Variants in CSMD3 observed in about 807,000 individuals in gnomAD.
CSMD3 encodes the protein CUB and sushi domain-containing protein 3.
In CSMD3, 177 loss-of-function variants were observed where a neutral mutation model predicts 435.2. The ratio of observed to expected loss-of-function variants is 0.41; its 90% CI spans 0.36 to 0.46. The LOEUF (loss-of-function observed/expected upper bound fraction) is 0.46, where lower values mean the gene tolerates loss of function less well. Ranked by LOEUF, CSMD3 falls within the 20% of genes least tolerant of loss-of-function variation. The pLI is 0.34. For missense variants in CSMD3, 4,265 were observed against 4,504.6 expected, an observed-to-expected ratio of 0.95 and a Z score of 1.52; for synonymous variants, 1,656 against 1,520.5, an observed-to-expected ratio of 1.09 and a Z score of -2.07.
intron 2 of CSMD3, among the ~76,000 whole-genome samples, chr8:113,308,884 A>G (rs1347639129): frequency 1.3e-5 from 2 of 152,174 alleles, no homozygotes; most frequent in African/African-American, 4.8e-5. Flanking sequence ...ATAGTCTTTT[A>G]TCAACCAACA....
At chr8:112,277,615 C>T (rs1182861741) in intron 59 of CSMD3, among the ~76,000 whole-genome samples, 1 of 152,130 alleles carries the variant, frequency 6.6e-6, no homozygotes, top group African/African-American at 2.4e-5. Context: ...ACCCAACTGC[C>T]AGTACCAATT....
intron 3 of CSMD3, among the ~76,000 whole-genome samples, chr8:113,245,576 C>A (rs1033205455): frequency 2.6e-5 from 4 of 151,928 alleles, no homozygotes; most frequent in Non-Finnish European, 5.9e-5. Flanking sequence ...ATATAAATGA[C>A]CTCTTCATAC....
chr8:112,949,483 C>G (rs1171129954), intron 8 of CSMD3, among the ~76,000 whole-genome samples: 1 of 152,004 alleles, frequency 6.6e-6, no homozygotes, highest in African/African-American at 2.4e-5. Context: ...TCACAACTCT[C>G]TATATTTGAA....
At chr8:112,827,057 C>G (rs186891669) in intron 12 of CSMD3, among the ~76,000 whole-genome samples, 2 of 150,332 alleles carry the variant, frequency 1.3e-5, no homozygotes, top group Admixed American at 6.7e-5. Context: ...GTACAGACCA[C>G]TCCTCAATCC....
intron 17 of CSMD3, among the ~76,000 whole-genome samples, chr8:112,660,859 G>T (rs2075363238): frequency 6.6e-6 from 1 of 152,112 alleles, no homozygotes; most frequent in African/African-American, 2.4e-5. Context: ...ATTTTTTAAT[G>T]ATTGGTTTTA....
At chr8:112,600,751 C>T (rs1365381000) in intron 22 of CSMD3, among the ~76,000 whole-genome samples, 1 of 151,790 alleles carries the variant, frequency 6.6e-6, no homozygotes, top group Non-Finnish European at 1.5e-5. Context: ...GATCTCGGCT[C>T]ACTGCAAGCT....
chr8:113,111,790 C>T (rs937288381), intron 4 of CSMD3, among the ~76,000 whole-genome samples: 3 of 152,024 alleles, frequency 2.0e-5, no homozygotes, highest in African/African-American at 7.2e-5. Context: ...AAGTGATTCC[C>T]CTGCCTCAGC....
chr8:112,775,677 A>T (rs1389366028), intron 13 of CSMD3, among the ~76,000 whole-genome samples: 1 of 151,934 alleles, frequency 6.6e-6, no homozygotes, highest in Non-Finnish European at 1.5e-5. Flanking sequence ...AAGATGTGAC[A>T]AACTAAAAAT....
chr8:113,041,701 GA>G (rs927217698), intron 5 of CSMD3, among the ~76,000 whole-genome samples: 2 of 150,968 alleles, frequency 1.3e-5, no homozygotes, highest in Admixed American at 1.3e-4. Flanking sequence ...CTTTTTTCAT[GA>G]AAAAAATTGT....
intron 64 of CSMD3, among the ~76,000 whole-genome samples, chr8:112,245,400 G>GA (rs573435006): frequency 5.1e-4 from 78 of 151,968 alleles, no homozygotes; most frequent in African/African-American, 1.8e-3. Context: ...AGTGATCTCT[G>GA]AAAAAAGTGT....
chr8:113,248,466 GTGA>G (rs1397950321), intron 3 of CSMD3, among the ~76,000 whole-genome samples: 221 of 804 alleles, frequency 0.27, 1 homozygote, highest in African/African-American at 0.41. Context: ...ATGTGTGTGT[GTGA>G]TATATATGTA....
At chr8:113,056,342 A>C (rs1302880248) in intron 5 of CSMD3, among the ~76,000 whole-genome samples, 1 of 152,118 alleles carries the variant, frequency 6.6e-6, no homozygotes, top group Admixed American at 6.5e-5. Context: ...AAACTGATGC[A>C]CCATCCTAGT....
intron 35 of CSMD3, among the ~76,000 whole-genome samples, chr8:112,397,491 C>G (rs993994739): frequency 4.6e-5 from 7 of 152,260 alleles, no homozygotes; most frequent in African/African-American, 1.7e-4. Flanking sequence ...CAGGCCATAG[C>G]AAAATACCAT....
In CSMD3 at chr8:113,280,089, C is replaced by T. The variant is rs561248076; in HGVS notation, c.402-1385G>A. ...TAGCTAGTATTTTGTTAATGATTTT[C>T]GCACCCATGTTCATCAAGGATATCA... is the stretch of plus-strand genomic sequence containing the variant. On this transcript the variant is annotated intron_variant, in intron 2 of 70. Transcript: ENST00000297405. Among the ~76,000 whole-genome samples the T allele has an allele frequency of 1.7e-3, 259 of 151,776 alleles. 1 individual carries two copies. Among genetic ancestry groups the T allele is most frequent in the South Asian group, 0.011 (55 of 4,824 alleles).
At chr8:112,970,170 T>C (rs1463864035) in intron 7 of CSMD3, among the ~76,000 whole-genome samples, 1 of 152,008 alleles carries the variant, frequency 6.6e-6, no homozygotes, top group African/African-American at 2.4e-5. Context: ...AATTTACTTA[T>C]TATTTCTAAA....
At chr8:112,904,173 C>T (rs1326364864) in intron 10 of CSMD3, among the ~76,000 whole-genome samples, 3 of 151,358 alleles carry the variant, frequency 2.0e-5, no homozygotes, top group Non-Finnish European at 3.0e-5. Flanking sequence ...TGGTGACATT[C>T]ACCTTAGATG....
intron 40 of CSMD3, among the ~76,000 whole-genome samples, chr8:112,347,089 T>G (rs1431568089): frequency 1.3e-5 from 2 of 152,060 alleles, no homozygotes; most frequent in Non-Finnish European, 2.9e-5. Context: ...GAAGTAAAAA[T>G]AAGTAAAAAG....
intron 13 of CSMD3, among the ~76,000 whole-genome samples, chr8:112,731,943 A>G (rs1490464882): frequency 6.6e-6 from 1 of 152,150 alleles, no homozygotes; most frequent in African/African-American, 2.4e-5. Context: ...CAGACAGGCA[A>G]AAATGTATTT....
chr8:112,841,610 A>G (rs972592182), intron 11 of CSMD3, among the ~76,000 whole-genome samples: 1 of 151,794 alleles, frequency 6.6e-6, no homozygotes, highest in African/African-American at 2.4e-5. Context: ...CAGGTTCTAC[A>G]CTGTAAAACT....
Sources: allele counts gnomAD v4.1 joint callset (sites outside exome capture counted in the v4.1 genomes callset), GRCh38; gene constraint gnomAD v4.1.1; transcripts MANE v1.5; gene names NCBI Gene and HGNC (gene_info 2026-07-23, HGNC 2026-07-21).